Variants in RTN4 observed in about 807,000 individuals in gnomAD.
The protein encoded by RTN4 is reticulon 4, also known as reticulon-4.
In RTN4, 32 loss-of-function variants were observed where a neutral mutation model predicts 90.4. The ratio of observed to expected loss-of-function variants is 0.35; its 90% CI spans 0.27 to 0.48. RTN4 has a LOEUF of 0.48. Among genes scored for constraint, RTN4 ranks in the 20% least tolerant of loss-of-function variants. RTN4 has a pLI of 0.99. For synonymous variants in RTN4, 629 were observed against 552.5 expected, an observed-to-expected ratio of 1.14 and a Z score of -1.94; for missense variants, 1,706 against 1,430.2, an observed-to-expected ratio of 1.19 and a Z score of -3.11.
chr2:55,058,163 G>A (rs1467133310), intron 2 of RTN4, among the ~76,000 whole-genome samples: 3 of 152,002 alleles, frequency 2.0e-5, no homozygotes, highest in African/African-American at 7.2e-5. Context: ...AAAAGTTGGA[G>A]GGAATATTTT....
chr2:55,111,326 A>T (rs759653206), intron 1 of RTN4, among the ~76,000 whole-genome samples: 1 of 152,138 alleles, frequency 6.6e-6, no homozygotes, highest in African/African-American at 2.4e-5. Context: ...TTTCAGAGGC[A>T]CCCTCAAATC....
chr2:54,992,474 A>C (rs1679087922), intron 3 of RTN4, among the ~76,000 whole-genome samples: 1 of 152,234 alleles, frequency 6.6e-6, no homozygotes, highest in Non-Finnish European at 1.5e-5. Context: ...TTAATCAATA[A>C]GGGACAAATT....
intron 3 of RTN4, among the ~76,000 whole-genome samples, chr2:55,000,522 A>G (rs147165227): frequency 3.9e-4 from 60 of 152,298 alleles, no homozygotes; most frequent in African/African-American, 1.2e-3. Context: ...CCTTTCTACA[A>G]TAATTTTGTA....
At chr2:55,018,587 T>C (rs1450430800) in intron 3 of RTN4, among the ~76,000 whole-genome samples, 1 of 151,986 alleles carries the variant, frequency 6.6e-6, no homozygotes, top group Non-Finnish European at 1.5e-5. Context: ...TATAGGTGTA[T>C]TAAAGGACTG....
rs551350939 is a variant in RTN4, at chr2:55,068,145, G to A, written c.-63+12344C>T. ...TTTAATGATTTTTTAAGATGATTGT[G>A]GATATTACTATTTGGTACCATATCA... On this transcript the variant is annotated intron_variant, in intron 2 of 3. Transcript: ENST00000427710. 6.6e-5 allele frequency among the ~76,000 whole-genome samples: 10 copies of A among 152,198 alleles called. No homozygotes were observed. In the South Asian group the frequency reaches 1.5e-3, roughly 22 times the overall value.
chr2:55,121,735 C>T, the RTN4 span, among the ~76,000 whole-genome samples: 1 of 152,030 alleles, frequency 6.6e-6, no homozygotes, highest in Non-Finnish European at 1.5e-5. Flanking sequence ...AGTGAGGTAC[C>T]AAGGGGACTT....
intron 2 of RTN4, among the ~76,000 whole-genome samples, chr2:55,071,353 G>T (rs1050437167): frequency 6.6e-6 from 1 of 151,774 alleles, no homozygotes; most frequent in African/African-American, 2.4e-5. Context: ...TGATTATAAG[G>T]AAACAACGAA....
intron 3 of RTN4, among the ~76,000 whole-genome samples, chr2:55,006,528 C>A (rs989118786): frequency 6.6e-6 from 1 of 152,094 alleles, no homozygotes; most frequent in Non-Finnish European, 1.5e-5. Context: ...AATCTCTACA[C>A]GGAAGTATGC....
chr2:54,984,025 G>T (rs916404947), intron 4 of RTN4, among the ~76,000 whole-genome samples: 1 of 152,084 alleles, frequency 6.6e-6, no homozygotes, highest in Admixed American at 6.6e-5. Flanking sequence ...CATTCACTAA[G>T]TATTTTTTAA....
intron 1 of RTN4, among the ~76,000 whole-genome samples, chr2:55,046,175 T>G (rs1667706924): frequency 6.6e-6 from 1 of 152,250 alleles, no homozygotes; most frequent in Admixed American, 6.5e-5. Flanking sequence ...CTTCTAACCC[T>G]GCTCTGCACA....
In RTN4 at chr2:55,026,315, T is replaced by C. The variant is rs773478166; in HGVS notation, c.1784A>G (p.Gln595Arg). The change falls in exon 3 of 9, where the codon CAG (glutamine) becomes CGG (arginine). Residue 595 changes from glutamine to arginine, a missense_variant. Gln to Arg is a conservative substitution (Grantham distance 43). Coordinates refer to ENST00000337526, the MANE Select transcript of RTN4 (RefSeq NM_020532.5). ...VMQESLYPAA[Q>R]LCPSFEESEA... ...TGACTCTTCAAATGATGGGCAAAGC[T>C]GTGCTGCAGGATAGAGTGACTCTTG... 14 of 1,613,872 alleles carry C rather than the reference T, an allele frequency of 8.7e-6. No homozygotes were observed. The highest frequency in any genetic ancestry group is 1.2e-5 in the Non-Finnish European group (14 of 1,179,914).
chr2:55,137,035 A>G, the RTN4 span, among the ~76,000 whole-genome samples: 1 of 152,214 alleles, frequency 6.6e-6, no homozygotes, highest in African/African-American at 2.4e-5. Flanking sequence ...AGAATTTAAC[A>G]GGAGAAGCCA....
intron 3 of RTN4, among the ~76,000 whole-genome samples, chr2:55,022,299 C>A (rs1186668082): frequency 6.6e-6 from 1 of 152,132 alleles, no homozygotes; most frequent in African/African-American, 2.4e-5. Context: ...ACCCTTCTTT[C>A]TACTGTTCCC....
intron 1 of RTN4, among the ~76,000 whole-genome samples, chr2:55,099,460 T>C (rs918656507): frequency 7.9e-5 from 12 of 152,070 alleles, no homozygotes; most frequent in Non-Finnish European, 1.8e-4. Flanking sequence ...ACTACCTATA[T>C]GACAAAGTGC....
In RTN4 at chr2:55,025,275, C is replaced by T. The variant is rs1189135709; in HGVS notation, c.2824G>A (p.Gly942Arg). The T allele has an allele frequency of 1.9e-6, 3 of 1,613,862 alleles. No homozygotes were observed. In the African/African-American group the frequency reaches 4.0e-5, roughly 22 times the overall value. The change falls in exon 3 of 9, where the codon GGG becomes AGG. Residue 942 changes from glycine to arginine, a missense_variant. Transcript: ENST00000337526. The part of the protein sequence containing the change: ...ISFSDDFSKN[G>R]SATSKVLLLP... ...AAGAGCACCTTTGATGTAGCAGACC[C>T]ATTTTTAGAAAAGTCATCTGAGAAA...
intron 1 of RTN4, among the ~76,000 whole-genome samples, chr2:55,109,887 A>G (rs1668005783): frequency 6.6e-6 from 1 of 152,230 alleles, no homozygotes; most frequent in Non-Finnish European, 1.5e-5. Context: ...TTGTAGAGGG[A>G]TATTATTTAT....
chr2:54,981,220 C>T (rs188086756), intron 5 of RTN4, among the ~76,000 whole-genome samples: 3 of 150,578 alleles, frequency 2.0e-5, no homozygotes, highest in Admixed American at 2.0e-4. Context: ...CCTGTAAGCC[C>T]AGAGACGCAA....
At chr2:55,030,591 G>GTTTTT (rs1682232555) in intron 1 of RTN4, among the ~76,000 whole-genome samples, 1 of 152,040 alleles carries the variant, frequency 6.6e-6, no homozygotes, top group Non-Finnish European at 1.5e-5. Context: ...GATAATAAGA[G>GTTTTT]TACCCACCTA....
chr2:55,035,830 G>A (rs1242756771), intron 1 of RTN4, among the ~76,000 whole-genome samples: 1 of 152,120 alleles, frequency 6.6e-6, no homozygotes, highest in Non-Finnish European at 1.5e-5. Context: ...CAACTTAGAT[G>A]AGTAGACAAC....
Sources: gnomAD v4.1 joint callset for allele counts (sites outside exome capture counted in the v4.1 genomes callset) on GRCh38, gnomAD v4.1.1 for gene constraint, MANE v1.5 for transcripts, NCBI Gene and HGNC (gene_info 2026-07-23, HGNC 2026-07-21) for gene names.